Variants in SLC44A1 observed in about 807,000 individuals in gnomAD.
SLC44A1 encodes solute carrier family 44 member 1.
SLC44A1 carries 26 observed loss-of-function variants against 79.3 expected under a neutral mutation model. The observed-to-expected ratio is 0.33, with a 90% CI of 0.24 to 0.46. The LOEUF (loss-of-function observed/expected upper bound fraction) is 0.46, where lower values mean the gene tolerates loss of function less well. SLC44A1 is among the 20% of genes least tolerant of loss of function. SLC44A1 has a pLI of 1.00. For missense variants in SLC44A1, 688 were observed against 798.1 expected (o/e 0.86, Z 1.66); for synonymous variants, 263 against 286.2 (o/e 0.92, Z 0.82).
chr9:105,313,600 G>A (rs758259615), intron 3 of SLC44A1, among the ~76,000 whole-genome samples: 24 of 152,122 alleles, frequency 1.6e-4, no homozygotes, highest in Non-Finnish European at 3.1e-4. Context: ...TTTTTTGATG[G>A]TGGGGATCAG....
chr9:105,306,750 A>G (rs1831043215), intron 2 of SLC44A1, among the ~76,000 whole-genome samples: 1 of 152,144 alleles, frequency 6.6e-6, no homozygotes, highest in Non-Finnish European at 1.5e-5. Flanking sequence ...CACATGTCCA[A>G]CAGTACAGTT....
At chr9:105,365,945 A>G (rs369785779) in intron 11 of SLC44A1, among the ~76,000 whole-genome samples, 55 of 152,334 alleles carry the variant, frequency 3.6e-4, no homozygotes, top group African/African-American at 1.3e-3. Flanking sequence ...CAACTAGTTT[A>G]GCTCAAATTC....
At chr9:105,289,978 G>C (rs992188662) in intron 1 of SLC44A1, among the ~76,000 whole-genome samples, 2 of 151,798 alleles carry the variant, frequency 1.3e-5, no homozygotes, top group Non-Finnish European at 2.9e-5. Context: ...CATGCCTGGC[G>C]AATTTGTTTG....
At chr9:105,429,904 A>G (rs554984789) in intron 15 of SLC44A1, among the ~76,000 whole-genome samples, 111 of 148,284 alleles carry the variant, frequency 7.5e-4, no homozygotes, top group Non-Finnish European at 1.3e-3. Flanking sequence ...ACAAGTATAT[A>G]TATATATTTT....
At chr9:105,278,389 C>T (rs1255409806) in intron 1 of SLC44A1, among the ~76,000 whole-genome samples, 2 of 152,180 alleles carry the variant, frequency 1.3e-5, no homozygotes, top group Admixed American at 6.5e-5. Context: ...GCTGGGACTA[C>T]GGGCGCCCGC....
Position 105,336,768 on chromosome 9 carries a change from G to T in SLC44A1, c.406+1069G>T, listed in dbSNP as rs1367587109. On this transcript the variant is annotated intron_variant, in intron 4 of 15. Coordinates refer to ENST00000374720, the MANE Select transcript of SLC44A1 (RefSeq NM_080546.5). ...GCCTTCTGAAGGCAGGAGGACTGCA[G>T]CCTCCCAGGCTGGCAGTATCCCTGT... Among the ~76,000 whole-genome samples the T allele has an allele frequency of 5.3e-5, 8 of 152,318 alleles. No individual in the cohort carries two copies. The South Asian group carries it at 1.7e-3, about 32-fold the overall frequency.
Position 105,396,861 on chromosome 9 carries a change from C to G in SLC44A1, c.*7805C>G, listed in dbSNP as rs1028561327. 1 of 984,870 alleles carries G rather than the reference C, an allele frequency of 1.0e-6. No individual in the cohort carries two copies. The highest frequency in any genetic ancestry group is 6.2e-5 in the Admixed American group (1 of 16,248). 61.0% of individuals were successfully genotyped at this position (984,870 alleles called of 1,614,324 possible). A position where few individuals can be genotyped will look rare whatever the true frequency, so the allele number is the denominator to read the frequency against. Reference sequence around the variant, plus strand: ...TCATAGTTTGGAATCATTTACCTTACCATTATTTTGGATTTTTTTCTTATT... The same window carrying G: ...TCATAGTTTGGAATCATTTACCTTAGCATTATTTTGGATTTTTTTCTTATT... On this transcript the variant is annotated 3_prime_UTR_variant, in exon 16 of 16. Transcript: ENST00000374720.
chr9:105,334,480 C>T (rs1826850454), intron 3 of SLC44A1, among the ~76,000 whole-genome samples: 1 of 151,784 alleles, frequency 6.6e-6, no homozygotes, highest in African/African-American at 2.4e-5. Flanking sequence ...TTTCCTGTTC[C>T]AGATTTGAAA....
rs146638340 is a variant in SLC44A1 at position 105,362,073 on chromosome 9, C to CGT, written c.901-730_901-729dup. 1.7e-3 allele frequency among the ~76,000 whole-genome samples: 259 copies of CGT among 150,028 alleles called. 1 individual carries two copies. The highest frequency in any genetic ancestry group is 0.014 in the South Asian group (65 of 4,722). ...GTGTGCGTGTGTGTGCGCGCGCGCGCGTGTGTGTGTGTGTGTGTGAGATTT... is the reference window on the plus strand; with the variant it reads ...GTGTGCGTGTGTGTGCGCGCGCGCGCGTGTGTGTGTGTGTGTGTGTGAGATTT... On this transcript the variant is annotated intron_variant, in intron 8 of 15. Coordinates refer to ENST00000374720, the MANE Select transcript of SLC44A1 (RefSeq NM_080546.5).
At chr9:105,366,968 A>T (rs1272527285) in intron 12 of SLC44A1, among the ~76,000 whole-genome samples, 3 of 151,530 alleles carry the variant, frequency 2.0e-5, no homozygotes, top group Admixed American at 2.0e-4. Context: ...ACTGCTAAAC[A>T]CTATGATATT....
intron 1 of SLC44A1, among the ~76,000 whole-genome samples, chr9:105,269,466 G>C (rs1830032042): frequency 6.6e-6 from 1 of 152,014 alleles, no homozygotes; most frequent in Non-Finnish European, 1.5e-5. Context: ...TAAAATTCAG[G>C]TATATCATGT....
At chr9:105,434,734 G>T (rs571240305) in intron 15 of SLC44A1, among the ~76,000 whole-genome samples, 1 of 152,194 alleles carries the variant, frequency 6.6e-6, no homozygotes, top group Non-Finnish European at 1.5e-5. Context: ...GAGTTTTCAT[G>T]TTCAAGGATA....
rs191927069 is a variant in SLC44A1, at chr9:105,393,547, T to C, written c.*4491T>C. The C allele has an allele frequency of 2.6e-4, 238 of 923,024 alleles. No individual in the cohort carries two copies. In the African/African-American group the frequency reaches 3.9e-3, roughly 15 times the overall value. The allele number at this position is 923,024 out of a possible 1,614,324, so 57.2% of individuals were successfully genotyped here. On this transcript the variant is annotated 3_prime_UTR_variant, in exon 16 of 16. Coordinates refer to ENST00000374720, the MANE Select transcript of SLC44A1 (RefSeq NM_080546.5). ...TCCAAGATTTAAATCTTTGAAAATA[T>C]CTTTCTTATAGAAAACTTTAATGCA...
intron 3 of SLC44A1, among the ~76,000 whole-genome samples, chr9:105,315,212 T>G (rs1016309729): frequency 6.6e-6 from 1 of 152,126 alleles, no homozygotes; most frequent in Non-Finnish European, 1.5e-5. Flanking sequence ...ATTTTGTCTA[T>G]TTCTTTCTCT....
At chr9:105,264,829 T>C (rs1829922556) in intron 1 of SLC44A1, among the ~76,000 whole-genome samples, 1 of 151,194 alleles carries the variant, frequency 6.6e-6, no homozygotes. Context: ...GGAGTTTTAC[T>C]CTTGTTGCCC....
In SLC44A1 at chr9:105,395,859, G is replaced by GC; in HGVS notation, c.*6804dup. ...TTCTAGTTGCCACTAGAAAATGTGA[G>GC]CTCCTTCTTCATTTACCATGTTGAT... On this transcript the variant is annotated 3_prime_UTR_variant, in exon 16 of 16. Transcript: ENST00000374720. 3.1e-6 allele frequency: 3 copies of GC among 982,334 alleles called. No individual in the cohort carries two copies. Among genetic ancestry groups the GC allele is most frequent in the Non-Finnish European group, 3.6e-6 (3 of 828,288 alleles). The allele number at this position is 982,334 out of a possible 1,614,324, so 60.9% of individuals were successfully genotyped here. A position where few individuals can be genotyped will look rare whatever the true frequency, so the allele number is the denominator to read the frequency against.
intron 3 of SLC44A1, among the ~76,000 whole-genome samples, chr9:105,312,667 T>A (rs769817845): frequency 6.6e-6 from 1 of 152,244 alleles, no homozygotes; most frequent in Admixed American, 6.5e-5. Flanking sequence ...GAGATTGCTT[T>A]ATCTTTGCTA....
At position 105,313,325 on chromosome 9, in the gene SLC44A1, G is replaced by C. The variant is rs141422114; in HGVS notation, c.269+3459G>C. 4.3e-3 allele frequency among the ~76,000 whole-genome samples: 659 copies of C among 152,280 alleles called. 4 individuals are homozygous for C. The highest frequency in any genetic ancestry group is 0.015 in the African/African-American group (615 of 41,532). On this transcript the variant is annotated intron_variant, in intron 3 of 15. Coordinates refer to ENST00000374720, the MANE Select transcript of SLC44A1 (RefSeq NM_080546.5). ...GTCTGTATTAATTGGCAGTTGCTAG[G>C]TAACAGTATTACTGTAAACTTAGTG...
chr9:105,284,025 A>G (rs1353898550), intron 1 of SLC44A1, among the ~76,000 whole-genome samples: 1 of 152,160 alleles, frequency 6.6e-6, no homozygotes, highest in Non-Finnish European at 1.5e-5. Flanking sequence ...GCACGTCTGC[A>G]TGAGAAGCTA....
Sources: allele counts gnomAD v4.1 joint callset (sites outside exome capture counted in the v4.1 genomes callset), GRCh38; gene constraint gnomAD v4.1.1; transcripts MANE v1.5; gene names NCBI Gene and HGNC (gene_info 2026-07-23, HGNC 2026-07-21).